The following GPHN variants were observed in gnomAD, a reference collection of about 807,000 sequenced individuals.
GPHN encodes the protein gephyrin.
GPHN carries 17 observed loss-of-function variants against 95.5 expected under a neutral mutation model. The ratio of observed to expected loss-of-function variants is 0.18; its 90% CI spans 0.12 to 0.27. The LOEUF (loss-of-function observed/expected upper bound fraction) is 0.27. Ranked by LOEUF, GPHN falls within the 10% of genes least tolerant of loss-of-function variation. GPHN has a pLI of 1.00. For synonymous variants in GPHN, 320 were observed against 322.5 expected (o/e 0.99, Z 0.08); for missense variants, 660 against 978.1 (o/e 0.67, Z 4.34).
chr14:67,336,551 C>A, the GPHN span: 3 of 348,860 alleles, frequency 8.6e-6, no homozygotes, highest in South Asian at 6.8e-5. Context: ...TGTGGAAAAC[C>A]ACTAATCTGG....
the GPHN span, among the ~76,000 whole-genome samples, chr14:67,683,539 T>A: frequency 6.6e-6 from 1 of 152,260 alleles, no homozygotes; most frequent in East Asian, 1.9e-4. Context: ...GATTTCCTTC[T>A]GCAGAATCAC....
At chr14:66,784,242 G>T (rs1051063391) in intron 3 of GPHN, among the ~76,000 whole-genome samples, 1 of 151,972 alleles carries the variant, frequency 6.6e-6, no homozygotes, top group Non-Finnish European at 1.5e-5. Context: ...AACTCACAGG[G>T]GGCAACAGAC....
the GPHN span, chr14:67,693,021 T>C: frequency 3.1e-6 from 5 of 1,614,066 alleles, no homozygotes; most frequent in Admixed American, 1.7e-5. Flanking sequence ...AGCTGAACAG[T>C]TGATGTACAC....
intron 9 of GPHN, among the ~76,000 whole-genome samples, chr14:67,011,586 A>G (rs1031508296): frequency 3.3e-5 from 5 of 150,190 alleles, no homozygotes; most frequent in Non-Finnish European, 5.9e-5. Flanking sequence ...AAAAAAAAAA[A>G]AAAAAAAAAA....
At chr14:67,359,887 G>T in the GPHN span, 4 of 662,030 alleles carry the variant, frequency 6.0e-6, no homozygotes, top group Admixed American at 5.2e-5. Context: ...GCGACGAAGG[G>T]GGAGGACAGA....
At chr14:66,796,841 C>T (rs1175516424) in intron 3 of GPHN, among the ~76,000 whole-genome samples, 3 of 151,796 alleles carry the variant, frequency 2.0e-5, no homozygotes, top group Admixed American at 6.6e-5. Context: ...CCTATTTGTC[C>T]ATTTTTGCTT....
chr14:67,089,662 A>G (rs919147885), intron 12 of GPHN, among the ~76,000 whole-genome samples: 2 of 152,184 alleles, frequency 1.3e-5, no homozygotes, highest in Non-Finnish European at 2.9e-5. Flanking sequence ...ACACAAGGAT[A>G]AAGTTGAGGT....
chr14:67,092,252 A>G (rs1390700102), intron 12 of GPHN, among the ~76,000 whole-genome samples: 1 of 152,100 alleles, frequency 6.6e-6, no homozygotes, highest in East Asian at 1.9e-4. Context: ...AGGTAAATGT[A>G]TTCATTAGCC....
Position 66,761,175 on chromosome 14 carries a change from G to A in GPHN, c.144-15289G>A, listed in dbSNP as rs901698854. ...CCATCTACAAAACATCAGATATTAC[G>A]GATATTAGATTGCATCTCAGTGCTA... is the stretch of plus-strand genomic sequence containing the variant. On this transcript the variant is annotated intron_variant, in intron 2 of 22. Coordinates refer to ENST00000478722, the MANE Select transcript of GPHN (RefSeq NM_020806.5). 1.4e-4 allele frequency among the ~76,000 whole-genome samples: 21 copies of A among 152,132 alleles called. 1 individual carries two copies. In the South Asian group the frequency reaches 4.1e-3, roughly 30 times the overall value.
the GPHN span, chr14:67,204,713 C>T: frequency 6.2e-7 from 1 of 1,613,912 alleles, no homozygotes; most frequent in Non-Finnish European, 8.5e-7. Flanking sequence ...CAGGAGAAAG[C>T]CAAAGTTTCC....
At chr14:67,327,867 T>C in the GPHN span, among the ~76,000 whole-genome samples, 1 of 152,264 alleles carries the variant, frequency 6.6e-6, no homozygotes, top group African/African-American at 2.4e-5. Context: ...ATGTGCCACA[T>C]TTTCTTAATC....
At chr14:67,727,960 T>C in the GPHN span, 21 of 152,292 alleles carry the variant, frequency 1.4e-4, no homozygotes, top group African/African-American at 5.1e-4. Flanking sequence ...GGGCTGGATT[T>C]CAGACCCCTG....
the GPHN span, chr14:67,557,202 C>T: frequency 1.5e-5 from 21 of 1,396,272 alleles, no homozygotes; most frequent in East Asian, 1.4e-4. Context: ...TCCCATCCCA[C>T]GTTACTGGCC....
the GPHN span, among the ~76,000 whole-genome samples, chr14:67,673,335 C>A: frequency 1.3e-4 from 20 of 151,966 alleles, no homozygotes; most frequent in South Asian, 6.2e-4. Flanking sequence ...CAGAGTGAGA[C>A]CCTGTCTCAA....
the GPHN span, among the ~76,000 whole-genome samples, chr14:67,258,016 T>G: frequency 6.6e-6 from 1 of 152,060 alleles, no homozygotes; most frequent in Non-Finnish European, 1.5e-5. Context: ...GGGAAAAATC[T>G]CTCTCCTCTT....
chr14:66,698,602 A>C (rs2068280094), intron 2 of GPHN, among the ~76,000 whole-genome samples: 1 of 152,190 alleles, frequency 6.6e-6, no homozygotes, highest in Non-Finnish European at 1.5e-5. Context: ...TGAAAATTGA[A>C]GTTTTGTTAG....
chr14:67,682,155 T>C, the GPHN span, among the ~76,000 whole-genome samples: 2 of 152,204 alleles, frequency 1.3e-5, no homozygotes, highest in East Asian at 1.9e-4. Context: ...GTATTCTGTT[T>C]AGTAACAGAA....
intron 5 of GPHN, among the ~76,000 whole-genome samples, chr14:66,881,264 A>C (rs749816053): frequency 5.9e-5 from 9 of 151,890 alleles, no homozygotes; most frequent in South Asian, 2.1e-4. Flanking sequence ...CTAAAGCTAA[A>C]ATTCATGCTG....
intron 2 of GPHN, among the ~76,000 whole-genome samples, chr14:66,683,369 T>TATATGTTC (rs1595533832): frequency 4.4e-4 from 14 of 32,084 alleles, no homozygotes; most frequent in East Asian, 2.0e-3. Flanking sequence ...TATATATATA[T>TATATGTTC]ATATATATAT....
Sources: gnomAD v4.1 joint callset for allele counts (sites outside exome capture counted in the v4.1 genomes callset) on GRCh38, gnomAD v4.1.1 for gene constraint, MANE v1.5 for transcripts, NCBI Gene and HGNC (gene_info 2026-07-23, HGNC 2026-07-21) for gene names.